The following LRP1B variants were observed in gnomAD, a reference collection of about 807,000 sequenced individuals.
The protein encoded by LRP1B is low-density lipoprotein receptor-related protein 1B.
LRP1B carries 217 observed loss-of-function variants against 556.6 expected under a neutral mutation model. The ratio of observed to expected loss-of-function variants is 0.39; its 90% CI spans 0.35 to 0.44. The LOEUF (loss-of-function observed/expected upper bound fraction) is 0.44. Among genes scored for constraint, LRP1B ranks in the 20% least tolerant of loss-of-function variants. The probability of loss-of-function intolerance (pLI) is 1.00; values close to 1 mark genes in which losing one functional copy is unlikely to be tolerated. For synonymous variants in LRP1B, 2,047 were observed against 1,865.8 expected, an observed-to-expected ratio of 1.10 and a Z score of -2.50; for missense variants, 5,053 against 5,620.8, an observed-to-expected ratio of 0.90 and a Z score of 3.23.
chr2:140,608,245 T>C (rs1038180836), intron 41 of LRP1B, among the ~76,000 whole-genome samples: 1 of 152,170 alleles, frequency 6.6e-6, no homozygotes, highest in East Asian at 1.9e-4. Context: ...TCAATAGTTG[T>C]ATATATACAA....
chr2:141,365,655 C>CTTTTTTTTTTTTTTTTGTT (rs781538829), intron 3 of LRP1B, among the ~76,000 whole-genome samples: 10 of 121,138 alleles, frequency 8.3e-5, no homozygotes, highest in Non-Finnish European at 1.2e-4. Context: ...GTTTTTGTTG[C>CTTTTTTTTTTTTTTTTGTT]TTTTTTTTTT....
chr2:140,345,883 A>T (rs1403769091), intron 77 of LRP1B, among the ~76,000 whole-genome samples: 14 of 142,556 alleles, frequency 9.8e-5, no homozygotes, highest in African/African-American at 1.9e-4. Flanking sequence ...TATATAAAAA[A>T]AATAGCATTA....
chr2:141,369,465 A>C (rs1057021577), intron 3 of LRP1B, among the ~76,000 whole-genome samples: 4 of 152,168 alleles, frequency 2.6e-5, no homozygotes, highest in African/African-American at 9.7e-5. Context: ...TGTTGAAGCC[A>C]ATGTCAACAT....
At chr2:140,788,173 G>A (rs1010905036) in intron 32 of LRP1B, among the ~76,000 whole-genome samples, 3 of 152,078 alleles carry the variant, frequency 2.0e-5, no homozygotes, top group Non-Finnish European at 4.4e-5. Flanking sequence ...GGCTCAAATG[G>A]TAAGGACAAT....
intron 2 of LRP1B, among the ~76,000 whole-genome samples, chr2:141,729,323 G>A (rs1323159844): frequency 1.3e-5 from 2 of 151,492 alleles, no homozygotes; most frequent in Admixed American, 6.6e-5. Flanking sequence ...TTTAGTCTTT[G>A]GACGTTATTT....
intron 1 of LRP1B, among the ~76,000 whole-genome samples, chr2:141,851,709 C>T (rs1697863041): frequency 6.6e-6 from 1 of 151,700 alleles, no homozygotes; most frequent in Admixed American, 6.6e-5. Flanking sequence ...TTTAGTTTTA[C>T]AATTAAGTCC....
intron 3 of LRP1B, among the ~76,000 whole-genome samples, chr2:141,417,648 C>G (rs895380287): frequency 2.0e-5 from 3 of 152,022 alleles, no homozygotes; most frequent in African/African-American, 7.2e-5. Flanking sequence ...ATTTCCACCT[C>G]TTGGTTATGC....
chr2:141,803,142 G>T (rs970898323), intron 2 of LRP1B, among the ~76,000 whole-genome samples: 6 of 151,402 alleles, frequency 4.0e-5, no homozygotes, highest in South Asian at 2.1e-4. Context: ...TGAGTGAAAA[G>T]GTGAGACTTT....
At position 140,323,961 on chromosome 2, in the gene LRP1B, T is replaced by G; in HGVS notation, c.12446A>C (p.Glu4149Ala). The change falls in exon 81 of 91, where the codon GAG becomes GCG. Residue 4149 changes from glutamate to alanine, a missense_variant. By Grantham distance (107) the Glu-to-Ala change is moderately radical. Coordinates refer to ENST00000389484, the MANE Select transcript of LRP1B (RefSeq NM_018557.3). ...TTTATCAATATTTAAAGCTAAGTAC[T>G]CTACTGAACCATGGCCAAATTTTTG... Reference protein sequence around the residue: ...RVQKFGHGSVEYLALNIDKTK... With the variant: ...RVQKFGHGSVAYLALNIDKTK... The G allele has an allele frequency of 6.2e-7, 1 of 1,600,398 alleles. No individual in the cohort carries two copies. The highest frequency in any genetic ancestry group is 8.6e-7 in the Non-Finnish European group (1 of 1,168,174).
chr2:142,072,628 T>A (rs1006428069), intron 1 of LRP1B, among the ~76,000 whole-genome samples: 2 of 151,942 alleles, frequency 1.3e-5, no homozygotes. Flanking sequence ...GCATTATTAG[T>A]GTTAGTGTAT....
intron 2 of LRP1B, among the ~76,000 whole-genome samples, chr2:141,802,199 G>T (rs571300965): frequency 1.3e-5 from 2 of 152,098 alleles, no homozygotes; most frequent in Non-Finnish European, 1.5e-5. Flanking sequence ...GCTGGGTACC[G>T]AGGAAAATGT....
At chr2:140,356,240 T>C in intron 75 of LRP1B, 102 bp downstream of exon 75, 1 of 1,211,060 alleles carries the variant, frequency 8.3e-7, no homozygotes, top group Non-Finnish European at 1.2e-6. Context: ...ATACACACCA[T>C]TTTGATGAAA....
intron 83 of LRP1B, among the ~76,000 whole-genome samples, chr2:140,301,006 A>G (rs1049038228): frequency 6.6e-6 from 1 of 152,130 alleles, no homozygotes; most frequent in African/African-American, 2.4e-5. Context: ...TGAAACTTTT[A>G]TTAAATTTTA....
intron 3 of LRP1B, among the ~76,000 whole-genome samples, chr2:141,300,313 A>G (rs1262827574): frequency 6.6e-6 from 1 of 152,208 alleles, no homozygotes; most frequent in African/African-American, 2.4e-5. Context: ...GCACCATTAT[A>G]TAAATTTTAA....
intron 1 of LRP1B, among the ~76,000 whole-genome samples, chr2:142,043,738 T>C (rs1460501530): frequency 1.3e-5 from 2 of 151,706 alleles, no homozygotes; most frequent in Non-Finnish European, 3.0e-5. Flanking sequence ...GATAGTTTTA[T>C]TCAAATAATT....
chr2:141,086,130 C>T (rs909869226), intron 7 of LRP1B, among the ~76,000 whole-genome samples: 1 of 152,164 alleles, frequency 6.6e-6, no homozygotes, highest in African/African-American at 2.4e-5. Flanking sequence ...GTAAAGGTAA[C>T]TTTCCCTTAT....
At chr2:140,673,860 G>A (rs1400672818) in intron 41 of LRP1B, among the ~76,000 whole-genome samples, 1 of 151,578 alleles carries the variant, frequency 6.6e-6, no homozygotes, top group East Asian at 1.9e-4. Context: ...TCCTAAGACT[G>A]ACAGAACAGA....
At chr2:141,182,923 T>G (rs1426044182) in intron 7 of LRP1B, among the ~76,000 whole-genome samples, 1 of 151,910 alleles carries the variant, frequency 6.6e-6, no homozygotes, top group African/African-American at 2.4e-5. Flanking sequence ...TTTAAAAGTT[T>G]AAGGCAGTCA....
At chr2:142,075,252 T>C (rs1159829878) in intron 1 of LRP1B, among the ~76,000 whole-genome samples, 1 of 152,134 alleles carries the variant, frequency 6.6e-6, no homozygotes, top group Non-Finnish European at 1.5e-5. Flanking sequence ...TCATAGGATA[T>C]GTTAACCATA....
Sources: allele counts gnomAD v4.1 joint callset (sites outside exome capture counted in the v4.1 genomes callset), GRCh38; gene constraint gnomAD v4.1.1; transcripts MANE v1.5; gene names NCBI Gene and HGNC (gene_info 2026-07-23, HGNC 2026-07-21).